The following ZDHHC17 variants were observed in gnomAD, a reference collection of about 807,000 sequenced individuals.
ZDHHC17 encodes the protein palmitoyltransferase ZDHHC17.
Under a neutral mutation model 90.3 loss-of-function variants are expected in ZDHHC17, and 40 were observed. The ratio of observed to expected loss-of-function variants is 0.44; its 90% CI spans 0.34 to 0.58. The LOEUF is 0.58. Among genes scored for constraint, ZDHHC17 ranks in the 20% least tolerant of loss-of-function variants. The probability of loss-of-function intolerance (pLI) is 0.01; values close to 1 mark genes in which losing one functional copy is unlikely to be tolerated. For synonymous variants in ZDHHC17, 235 were observed against 252.4 expected, an observed-to-expected ratio of 0.93 and a Z score of 0.65; for missense variants, 614 against 780.8, an observed-to-expected ratio of 0.79 and a Z score of 2.55.
At chr12:76,818,439 T>C (rs969437134) in intron 7 of ZDHHC17, among the ~76,000 whole-genome samples, 1 of 152,200 alleles carries the variant, frequency 6.6e-6, no homozygotes, top group Non-Finnish European at 1.5e-5. Flanking sequence ...GTCTCTATTC[T>C]TTCAGAATGT....
intron 1 of ZDHHC17, among the ~76,000 whole-genome samples, chr12:76,774,107 G>A (rs1952528484): frequency 6.6e-6 from 1 of 151,942 alleles, no homozygotes; most frequent in Non-Finnish European, 1.5e-5. Flanking sequence ...AGAATTAGCT[G>A]GGTGTGGTGA....
At chr12:76,774,886 G>T in intron 1 of ZDHHC17, among the ~76,000 whole-genome samples, 1 of 152,332 alleles carries the variant, frequency 6.6e-6, no homozygotes, top group East Asian at 1.9e-4. Context: ...GTGACTGTCA[G>T]TGCCTGTGCA....
At chr12:76,778,009 C>T (rs969581804) in intron 1 of ZDHHC17, among the ~76,000 whole-genome samples, 1 of 152,106 alleles carries the variant, frequency 6.6e-6, no homozygotes, top group Non-Finnish European at 1.5e-5. Context: ...GGTACATGGG[C>T]ATTACCCTGT....
In ZDHHC17 at chr12:76,851,196, TAAA is replaced by T. The variant is rs529702484; in HGVS notation, c.*215_*217del. The T allele has an allele frequency of 0.012, 6,527 of 526,536 alleles. 51 individuals are homozygous for T. The highest frequency in any genetic ancestry group is 0.016 in the Non-Finnish European group (5,123 of 314,848). The allele number at this position is 526,536 out of a possible 1,614,324, so 32.6% of individuals were successfully genotyped here. ...CCATTTCTGGGAAGAGTAAAGATGA[TAAA>T]AAATAATTTTAATGGTTCTTAATGT... On this transcript the variant is annotated 3_prime_UTR_variant, in exon 17 of 17. Transcript: ENST00000426126.
In ZDHHC17 at chr12:76,848,339, T is replaced by C. The variant is rs762744863; in HGVS notation, c.1614T>C (p.Ser538=). 3 of 1,613,960 alleles carry C rather than the reference T, an allele frequency of 1.9e-6. No homozygotes were observed. The highest frequency in any genetic ancestry group is 2.5e-6 in the Non-Finnish European group (3 of 1,179,868). The change falls in exon 15 of 17, where the codon AGT becomes AGC. Residue 538 remains serine, a synonymous_variant. Transcript: ENST00000426126. ...SPWMFWMFLN[S]VFHFMWVAVL... is the part of the protein sequence containing the mutation. ...GGATGTTTTGGATGTTCCTGAACAG[T>C]GTTTTCCACTTCATGTGGGTGGCTG... is the stretch of plus-strand genomic sequence containing the variant.
At chr12:76,802,189 C>G (rs1002747379) in intron 2 of ZDHHC17, among the ~76,000 whole-genome samples, 157 of 152,284 alleles carry the variant, frequency 1.0e-3, no homozygotes, top group African/African-American at 3.7e-3. Flanking sequence ...TAATTTCTTC[C>G]CCTCTTTTGA....
chr12:76,849,000 G>T, intron 15 of ZDHHC17, among the ~76,000 whole-genome samples: 1 of 147,576 alleles, frequency 6.8e-6, no homozygotes, highest in Admixed American at 6.8e-5. Context: ...ATAATGGTTT[G>T]TGCAGCCTGG....
At chr12:76,845,644 TAAATAGTC>T (rs1366835981) in intron 12 of ZDHHC17, 57 bp from the exon 13 acceptor site, 14 of 93,412 alleles carry the variant, frequency 1.5e-4, no homozygotes, top group Admixed American at 3.0e-4. Context: ...TTTGAGAAAA[TAAATAGTC>T]AGCTTTTCTC....
At chr12:76,826,065 C>T (rs6539707) in intron 8 of ZDHHC17, among the ~76,000 whole-genome samples, 91,072 of 151,990 alleles carry the variant, frequency 0.6, 27,346 homozygotes, top group East Asian at 0.67. Context: ...GCGATTCTCT[C>T]GTCTAGGCCT....
intron 3 of ZDHHC17, among the ~76,000 whole-genome samples, chr12:76,805,690 A>T (rs1324837905): frequency 6.6e-6 from 1 of 152,218 alleles, no homozygotes; most frequent in South Asian, 2.1e-4. Context: ...ATATAACCGT[A>T]TATGAAATAT....
At chr12:76,771,343 TTTTG>T (rs750629114) in intron 1 of ZDHHC17, among the ~76,000 whole-genome samples, 15 of 152,202 alleles carry the variant, frequency 9.9e-5, no homozygotes, top group Admixed American at 2.6e-4. Flanking sequence ...AACAATACTT[TTTTG>T]TTTTTGTTTC....
At chr12:76,816,411 T>G (rs949880813) in intron 7 of ZDHHC17, among the ~76,000 whole-genome samples, 2 of 152,016 alleles carry the variant, frequency 1.3e-5, no homozygotes, top group African/African-American at 4.8e-5. Flanking sequence ...GTCTCAAAAT[T>G]TTGGTTATTT....
intron 16 of ZDHHC17, 95 bp from the exon 17 acceptor site, chr12:76,850,752 G>C: frequency 6.7e-7 from 1 of 1,485,466 alleles, no homozygotes; most frequent in Non-Finnish European, 9.0e-7. Flanking sequence ...TTTAAGTTTA[G>C]AAAAAAATAT....
At chr12:76,787,530 G>T (rs1274579334) in intron 1 of ZDHHC17, among the ~76,000 whole-genome samples, 3 of 152,086 alleles carry the variant, frequency 2.0e-5, no homozygotes, top group African/African-American at 4.8e-5. Context: ...AAATAAGGAA[G>T]TATTCTCATT....
intron 14 of ZDHHC17, among the ~76,000 whole-genome samples, chr12:76,847,641 G>C (rs765084554): frequency 7.2e-5 from 11 of 152,174 alleles, no homozygotes; most frequent in Non-Finnish European, 5.9e-5. Flanking sequence ...GCCAGTTGAG[G>C]CCAGGAGTTT....
At chr12:76,849,135 A>AC (rs1197908639) in intron 15 of ZDHHC17, among the ~76,000 whole-genome samples, 32 of 147,552 alleles carry the variant, frequency 2.2e-4, no homozygotes, top group African/African-American at 7.7e-4. Flanking sequence ...AAAAAAAAAA[A>AC]AAAAAACCCA....
Position 76,801,305 on chromosome 12 carries a change from C to T in ZDHHC17, c.197+3768C>T, listed in dbSNP as rs543307286. On this transcript the variant is annotated intron_variant, in intron 2 of 16. Transcript: ENST00000426126. ...AAATGTTTAAGTTTCTCATTCCTTTCGTGTATGTCCTATAGCTACTTTTCT... is the reference window on the plus strand; with the variant it reads ...AAATGTTTAAGTTTCTCATTCCTTTTGTGTATGTCCTATAGCTACTTTTCT... Among the ~76,000 whole-genome samples, 18 of 151,158 alleles carry T rather than the reference C, an allele frequency of 1.2e-4. No homozygotes were observed. The South Asian group carries it at 1.3e-3, about 11-fold the overall frequency.
intron 1 of ZDHHC17, among the ~76,000 whole-genome samples, chr12:76,765,314 G>A (rs1404130183): frequency 6.6e-6 from 1 of 152,186 alleles, no homozygotes; most frequent in African/African-American, 2.4e-5. Flanking sequence ...CATGCCACTA[G>A]TTTTTGTTAA....
chr12:76,805,378 G>T lies in ZDHHC17; in HGVS notation c.259G>T (p.Asp87Tyr). The T allele has an allele frequency of 6.2e-7, 1 of 1,602,876 alleles. No individual in the cohort carries two copies. ...VEAGYDVRQPDKENVTLLHWA... is the reference protein window; with the variant it reads ...VEAGYDVRQPYKENVTLLHWA... ...AGCAGGTTATGATGTACGGCAACCG[G>T]ACAAAGAAAATGTTACCCTCCTCCA... Residue 87 changes from aspartate to tyrosine, a missense_variant, in exon 3 of 17, where the codon GAC becomes TAC. Transcript: ENST00000426126.
Sources: gnomAD v4.1 joint callset for allele counts (sites outside exome capture counted in the v4.1 genomes callset) on GRCh38, gnomAD v4.1.1 for gene constraint, MANE v1.5 for transcripts, NCBI Gene and HGNC (gene_info 2026-07-23, HGNC 2026-07-21) for gene names.